The following HSPBP1 variants were observed in gnomAD, a reference collection of about 807,000 sequenced individuals.
HSPBP1 encodes the protein hsp70-binding protein 1.
In HSPBP1, 31 loss-of-function variants were observed where a neutral mutation model predicts 41.7. That is an observed-to-expected ratio of 0.74 (90% CI 0.56 to 1.00). HSPBP1 has a LOEUF of 1.00. Among genes scored for constraint, HSPBP1 ranks in the 50% least tolerant of loss-of-function variants. HSPBP1 has a pLI of 0.00. For synonymous variants in HSPBP1, 199 were observed against 214.4 expected (o/e 0.93, Z 0.63); for missense variants, 439 against 487.9 (o/e 0.90, Z 0.94).
chr19:55,272,339 C>T lies in HSPBP1; in HGVS notation c.640+2059G>A, dbSNP rs1037320967. On this transcript the variant is annotated intron_variant, in intron 4 of 7. Transcript: ENST00000433386. The surrounding 1 kb of genome is among the most constrained non-coding windows in gnomAD (Gnocchi z 4.2). ...CGGGAAGGAACACAGCACTGCCACC[C>T]GCCACCACTCGGGGACCTTGCAGCA... 2.0e-5 allele frequency among the ~76,000 whole-genome samples: 3 copies of T among 152,208 alleles called. No individual in the cohort carries two copies. The highest frequency in any genetic ancestry group is 6.6e-5 in the Admixed American group (1 of 15,262).
intron 3 of HSPBP1, among the ~76,000 whole-genome samples, chr19:55,275,497 T>C (rs989164195): frequency 3.3e-5 from 5 of 152,006 alleles, no homozygotes; most frequent in African/African-American, 1.2e-4. Context: ...TACTCAGCCA[T>C]AAAAAGGAAT....
chr19:55,264,318 T>C (rs1048937894), intron 7 of HSPBP1, among the ~76,000 whole-genome samples: 1 of 152,216 alleles, frequency 6.6e-6, no homozygotes, highest in African/African-American at 2.4e-5. Flanking sequence ...TACACAGGAA[T>C]GAATCTAATA....
rs766124850 is a variant in HSPBP1 at position 55,265,924 on chromosome 19, G to C, written c.855C>G (p.His285Gln). ...QQLVALVRTE[H>Q]SPFHEHVLGA... is the part of the protein sequence containing the mutation. ...CAAGCACGTGCTCGTGGAAGGGGCT[G>C]TGCTCTGTCCGCACCAGGGCCACCA... Residue 285 changes from histidine (H) to glutamine (Q), a missense_variant, in exon 6 of 8, where the codon CAC becomes CAG. Coordinates refer to ENST00000433386, the MANE Select transcript of HSPBP1 (RefSeq NM_012267.5). 6.2e-7 allele frequency: 1 copy of C among 1,608,638 alleles called. No homozygotes were observed. The highest frequency in any genetic ancestry group is 1.1e-5 in the South Asian group (1 of 90,032).
intron 7 of HSPBP1, among the ~76,000 whole-genome samples, chr19:55,263,073 AAAAG>A (rs1311702601): frequency 2.0e-5 from 3 of 152,258 alleles, no homozygotes; most frequent in Non-Finnish European, 4.4e-5. Context: ...CAAAAAAAGA[AAAAG>A]AAAACGAGGT....
At chr19:55,275,376 A>T (rs550170509) in intron 3 of HSPBP1, among the ~76,000 whole-genome samples, 8 of 152,172 alleles carry the variant, frequency 5.3e-5, no homozygotes, top group Non-Finnish European at 8.8e-5. Context: ...AGAAGTAGGG[A>T]CTCAGATACT....
chr19:55,270,136 G>A lies in HSPBP1; in HGVS notation c.641-3850C>T, dbSNP rs548129381. Reference sequence around the variant, plus strand: ...AAAAAAAGGACAGATGCCACTGAATGGTATACTTTAACATTTTCATGTGAA... The same window carrying A: ...AAAAAAAGGACAGATGCCACTGAATAGTATACTTTAACATTTTCATGTGAA... On this transcript the variant is annotated intron_variant, in intron 4 of 7. Coordinates refer to ENST00000433386, the MANE Select transcript of HSPBP1 (RefSeq NM_012267.5). This position sits in a 1 kb window ranked among gnomAD's most constrained non-coding sequence, Gnocchi z 5.4. Among the ~76,000 whole-genome samples, 1 of 152,274 alleles carries A rather than the reference G, an allele frequency of 6.6e-6. No individual in the cohort carries two copies. Among genetic ancestry groups the A allele is most frequent in the South Asian group, 2.1e-4 (1 of 4,822 alleles).
intron 3 of HSPBP1, among the ~76,000 whole-genome samples, chr19:55,275,938 ACT>A (rs1224368345): frequency 7.3e-6 from 1 of 136,508 alleles, no homozygotes; most frequent in Non-Finnish European, 1.6e-5. Flanking sequence ...ACAGGGTGAG[ACT>A]CTGTCTCAGA....
In HSPBP1 at chr19:55,270,604, C is replaced by A. The variant is rs533553783; in HGVS notation, c.640+3794G>T. 6.6e-6 allele frequency among the ~76,000 whole-genome samples: 1 copy of A among 152,216 alleles called. No individual in the cohort carries two copies. Among genetic ancestry groups the A allele is most frequent in the East Asian group, 1.9e-4 (1 of 5,180 alleles). On this transcript the variant is annotated intron_variant, in intron 4 of 7. Transcript: ENST00000433386. The surrounding 1 kb of genome is among the most constrained non-coding windows in gnomAD (Gnocchi z 5.4). ...AAAAGGACAGAGGCAGGTCAAGGTG[C>A]GCCACAGTCAGGATGGCCTGTGCCA...
At position 55,279,420 on chromosome 19, in the gene HSPBP1, AG is replaced by A. The variant is rs2088166435; in HGVS notation, c.188del (p.Pro63LeufsTer5). On this transcript the variant is annotated frameshift_variant, in exon 2 of 8. Transcript: ENST00000433386. LOFTEE classifies it high-confidence loss of function. ...ITAGSEEPDP[P>X]PEPMSEERRQ... ...TTACCTCCTCACTCATCGGTTCTGG[AG>A]GAGGGTCTGGCTCTTCAGAGCCCGC... is the stretch of plus-strand genomic sequence containing the variant. The A allele has an allele frequency of 6.3e-7, 1 of 1,598,558 alleles. No individual in the cohort carries two copies. The highest frequency in any genetic ancestry group is 1.9e-5 in the Admixed American group (1 of 53,400).
Position 55,262,609 on chromosome 19 carries a change from C to T in HSPBP1, c.1079G>A (p.Ter360=), listed in dbSNP as rs2087673770. ...SSPADDSMDR[*] is the part of the protein sequence containing the mutation. ...AAGGGGGCAAGAAGCCACCTGGTTT[C>T]ACCGATCCATGCTGTCGTCCGCTGG... The change falls in exon 8 of 8, where the codon TGA becomes TAA. Residue 360 remains the stop codon, a stop_retained_variant. Transcript: ENST00000433386. 3 of 1,613,754 alleles carry T rather than the reference C, an allele frequency of 1.9e-6. No individual in the cohort carries two copies. Among genetic ancestry groups the T allele is most frequent in the Non-Finnish European group, 2.5e-6 (3 of 1,179,810 alleles).
intron 1 of HSPBP1, 34 bp from the exon 2 acceptor site, chr19:55,279,736 C>T: frequency 6.5e-7 from 1 of 1,534,566 alleles, no homozygotes; most frequent in Non-Finnish European, 8.7e-7. Context: ...GGGAGCTCGG[C>T]GACCCCCCAT....
Position 55,270,207 on chromosome 19 carries a change from C to T in HSPBP1, c.641-3921G>A, listed in dbSNP as rs959277984. ...AAGAATGGCATCCAAGCTCCCAGAGCTCTTGCCCTGCATCGTGCACAACTT... is the reference window on the plus strand; with the variant it reads ...AAGAATGGCATCCAAGCTCCCAGAGTTCTTGCCCTGCATCGTGCACAACTT... On this transcript the variant is annotated intron_variant, in intron 4 of 7. Transcript: ENST00000433386. The surrounding 1 kb of genome is among the most constrained non-coding windows in gnomAD (Gnocchi z 5.4). Among the ~76,000 whole-genome samples the T allele has an allele frequency of 3.2e-4, 48 of 152,350 alleles. No individual in the cohort carries two copies. The highest frequency in any genetic ancestry group is 1.1e-3 in the African/African-American group (45 of 41,590).
intron 4 of HSPBP1, among the ~76,000 whole-genome samples, chr19:55,269,540 C>T (rs954991312): frequency 6.6e-6 from 1 of 152,122 alleles, no homozygotes; most frequent in African/African-American, 2.4e-5. Flanking sequence ...TACGCTTATT[C>T]AGCGCTAAAA....
intron 2 of HSPBP1, among the ~76,000 whole-genome samples, chr19:55,278,494 C>T (rs1356906918): frequency 6.6e-6 from 1 of 152,096 alleles, no homozygotes; most frequent in Non-Finnish European, 1.5e-5. Context: ...TATGAATCTG[C>T]AAAACAACTC....
intron 4 of HSPBP1, 53 bp downstream of exon 4, chr19:55,274,345 G>GGACCCCCCCC: frequency 3.6e-6 from 2 of 552,678 alleles, no homozygotes; most frequent in South Asian, 1.9e-5. Flanking sequence ...GGCCCACCCG[G>GGACCCCCCCC]CACCCCCCCC....
intron 4 of HSPBP1, among the ~76,000 whole-genome samples, chr19:55,266,616 A>G (rs904925088): frequency 7.0e-6 from 1 of 143,420 alleles, no homozygotes; most frequent in Non-Finnish European, 1.5e-5. Flanking sequence ...CGCCATCATC[A>G]TCACTACCAT....
At chr19:55,274,353 C>T (rs770542417) in intron 4 of HSPBP1, 45 bp downstream of exon 4, 2 of 600,778 alleles carry the variant, frequency 3.3e-6, no homozygotes, top group Non-Finnish European at 5.7e-6. Flanking sequence ...CGGCACCCCC[C>T]CCCACCGCCA....
intron 4 of HSPBP1, 143 bp downstream of exon 4, chr19:55,274,255 T>C: frequency 1.2e-6 from 1 of 814,958 alleles, no homozygotes; most frequent in Non-Finnish European, 1.9e-6. Flanking sequence ...CCCGCAGCAC[T>C]CAGCCGTGCA....
At chr19:55,273,153 CTAATTTTT>C (rs1460735402) in intron 4 of HSPBP1, among the ~76,000 whole-genome samples, 10 of 152,116 alleles carry the variant, frequency 6.6e-5, no homozygotes, top group Non-Finnish European at 1.2e-4. Context: ...CCACGTCCAG[CTAATTTTT>C]TAATTTTTGT....
Sources: allele counts gnomAD v4.1 joint callset (sites outside exome capture counted in the v4.1 genomes callset), GRCh38; gene constraint gnomAD v4.1.1; non-coding constraint Gnocchi (gnomAD v3.1); transcripts MANE v1.5; gene names NCBI Gene and HGNC (gene_info 2026-07-23, HGNC 2026-07-21).